Variants in KLHL18 observed in about 807,000 individuals in gnomAD.
KLHL18 encodes kelch like family member 18, also known as kelch-like protein 18.
In KLHL18, 38 loss-of-function variants were observed where a neutral mutation model predicts 58.5. The ratio of observed to expected loss-of-function variants is 0.65; its 90% CI spans 0.50 to 0.85. The LOEUF (loss-of-function observed/expected upper bound fraction) is 0.85. Among genes scored for constraint, KLHL18 ranks in the 40% least tolerant of loss-of-function variants. The pLI, the probability that KLHL18 is intolerant of heterozygous loss-of-function variation, is 0.00. For missense variants in KLHL18, 624 were observed against 778.4 expected (o/e 0.80, Z 2.36); for synonymous variants, 303 against 301.9 (o/e 1.00, Z -0.04).
At chr3:47,326,987 C>G (rs1175594253) in intron 3 of KLHL18, among the ~76,000 whole-genome samples, 1 of 151,778 alleles carries the variant, frequency 6.6e-6, no homozygotes, top group Admixed American at 6.6e-5. Flanking sequence ...GCTTGTTATC[C>G]TGGCACTTTT....
At chr3:47,289,964 CA>C (rs1328950236) in intron 1 of KLHL18, among the ~76,000 whole-genome samples, 4 of 152,250 alleles carry the variant, frequency 2.6e-5, no homozygotes, top group African/African-American at 9.6e-5. Context: ...CACCACTATG[CA>C]ATATATCCAT....
intron 3 of KLHL18, among the ~76,000 whole-genome samples, chr3:47,327,095 C>G (rs752965575): frequency 6.6e-6 from 1 of 151,556 alleles, no homozygotes; most frequent in Non-Finnish European, 1.5e-5. Flanking sequence ...AAAAATGAGC[C>G]GGCCGTGGTG....
intron 1 of KLHL18, among the ~76,000 whole-genome samples, chr3:47,291,206 G>A (rs944022182): frequency 2.0e-5 from 3 of 152,246 alleles, no homozygotes; most frequent in African/African-American, 7.2e-5. Flanking sequence ...TGGAAGATGA[G>A]ACCACATTGT....
rs1703540981 is a variant in KLHL18 at position 47,319,745 on chromosome 3, C to G, written c.222C>G (p.Cys74Trp). Reference protein sequence around the residue: ...HAMFTNDMMECKQDEIVMQGM... With the variant: ...HAMFTNDMMEWKQDEIVMQGM... ...TGTTTACAAATGACATGATGGAGTGCAAGCAGGATGAGATTGTAATGCAAG... is the reference window on the plus strand; with the variant it reads ...TGTTTACAAATGACATGATGGAGTGGAAGCAGGATGAGATTGTAATGCAAG... The change falls in exon 2 of 10, where the codon TGC becomes TGG. Residue 74 changes from cysteine to tryptophan, a missense_variant. By Grantham distance (215) the Cys-to-Trp change is radical. Transcript: ENST00000232766. 1.2e-6 allele frequency: 2 copies of G among 1,613,914 alleles called. No homozygotes were observed. The highest frequency in any genetic ancestry group is 1.7e-6 in the Non-Finnish European group (2 of 1,179,854).
rs1703937816 is a variant in KLHL18 at position 47,334,408 on chromosome 3, C to G, written c.762-275C>G. ...ATGCTGCTTGTCGAAACTCCCAGGT[C>G]CAGCCATTTTGGCCACTACCTTGTT... On this transcript the variant is annotated intron_variant, in intron 5 of 9. Coordinates refer to ENST00000232766, the MANE Select transcript of KLHL18 (RefSeq NM_025010.5). The surrounding 1 kb of genome is among the most constrained non-coding windows in gnomAD (Gnocchi z 4.7). Among the ~76,000 whole-genome samples the G allele has an allele frequency of 1.3e-5, 2 of 152,144 alleles. No individual in the cohort carries two copies. Among genetic ancestry groups the G allele is most frequent in the African/African-American group, 4.8e-5 (2 of 41,444 alleles).
chr3:47,316,289 A>G (rs986683723), intron 1 of KLHL18, among the ~76,000 whole-genome samples: 2 of 151,860 alleles, frequency 1.3e-5, no homozygotes, highest in African/African-American at 2.4e-5. Context: ...ACAGTTACAT[A>G]CTTAGAGTTA....
At chr3:47,321,235 C>T (rs1457230862) in intron 2 of KLHL18, among the ~76,000 whole-genome samples, 3 of 151,910 alleles carry the variant, frequency 2.0e-5, no homozygotes, top group Admixed American at 6.6e-5. Flanking sequence ...GTGGTGTGAT[C>T]TGGGCTCACT....
chr3:47,313,495 A>G (rs1016148277), intron 1 of KLHL18, among the ~76,000 whole-genome samples: 1 of 152,172 alleles, frequency 6.6e-6, no homozygotes, highest in Non-Finnish European at 1.5e-5. Flanking sequence ...AAGTGCTAGG[A>G]TTACAGGCAT....
At chr3:47,324,027 T>C (rs1320568573) in intron 3 of KLHL18, among the ~76,000 whole-genome samples, 1 of 152,200 alleles carries the variant, frequency 6.6e-6, no homozygotes, top group East Asian at 1.9e-4. Context: ...GCTCATCTGC[T>C]GAACACTGGG....
Position 47,343,998 on chromosome 3 carries a change from C to T in KLHL18, c.*57C>T, listed in dbSNP as rs1704172792. 3 of 1,580,222 alleles carry T rather than the reference C, an allele frequency of 1.9e-6. No homozygotes were observed. The South Asian group carries it at 3.4e-5, about 18-fold the overall frequency. ...CTGGTACAGACATAGGCGCTTCCTT[C>T]CAGGAACAGTCCCTCAGGAGAGGCA... is the stretch of plus-strand genomic sequence containing the variant. On this transcript the variant is annotated 3_prime_UTR_variant, in exon 10 of 10. Transcript: ENST00000232766.
chr3:47,301,088 ATTG>A (rs1243722607), intron 1 of KLHL18, among the ~76,000 whole-genome samples: 1 of 151,004 alleles, frequency 6.6e-6, no homozygotes. Context: ...TTGTTTTTTT[ATTG>A]TTGAGTTTTT....
At chr3:47,312,117 C>G (rs962190618) in intron 1 of KLHL18, among the ~76,000 whole-genome samples, 1 of 152,294 alleles carries the variant, frequency 6.6e-6, no homozygotes, top group Middle Eastern at 3.4e-3. Flanking sequence ...TTCGTAGATG[C>G]TATTCATTGC....
rs756868709 is a variant in KLHL18, at chr3:47,322,637, ATTGCTG to A, written c.331_336del (p.Leu111_Leu112del). On this transcript the variant is annotated inframe_deletion, in exon 3 of 10. Coordinates refer to ENST00000232766, the MANE Select transcript of KLHL18 (RefSeq NM_025010.5). ...CCATTGACCAGCAAAATGTCCAGTC[ATTGCTG>A]ATGGGGGCGAGCTTCCTGCAGCTGC... 1 of 1,604,362 alleles carries A rather than the reference ATTGCTG, an allele frequency of 6.2e-7. No homozygotes were observed. The highest frequency in any genetic ancestry group is 8.5e-7 in the Non-Finnish European group (1 of 1,175,888).
At position 47,334,607 on chromosome 3, in the gene KLHL18, A is replaced by G; in HGVS notation, c.762-76A>G. 6.4e-7 allele frequency: 1 copy of G among 1,552,020 alleles called. No individual in the cohort carries two copies. Among genetic ancestry groups the G allele is most frequent in the Non-Finnish European group, 8.8e-7 (1 of 1,132,716 alleles). ...GTTTCCCCTGCAGTTGGCAGTGGAG[A>G]GCCAGGCTCAGAGATGCAAACGAGG... is the stretch of plus-strand genomic sequence containing the variant. On this transcript the variant is annotated intron_variant, in intron 5 of 9. Coordinates refer to ENST00000232766, the MANE Select transcript of KLHL18 (RefSeq NM_025010.5). This position sits in a 1 kb window ranked among gnomAD's most constrained non-coding sequence, Gnocchi z 4.7.
At chr3:47,297,784 A>G in intron 1 of KLHL18, 1 of 373,960 alleles carries the variant, frequency 2.7e-6, no homozygotes, top group Non-Finnish European at 5.3e-6. Context: ...GCACTGTGTT[A>G]AGTACTAGGA....
In KLHL18 at chr3:47,282,952, A is replaced by G. The variant is rs768126531; in HGVS notation, c.-14A>G. 5 of 1,605,726 alleles carry G rather than the reference A, an allele frequency of 3.1e-6. No homozygotes were observed. The highest frequency in any genetic ancestry group is 4.2e-6 in the Non-Finnish European group (5 of 1,176,874). On this transcript the variant is annotated 5_prime_UTR_variant, in exon 1 of 10. Transcript: ENST00000232766. Reference sequence around the variant, plus strand: ...CGGCCGGCGAGGCCTGCGCAGTTGCAGCGGCCGGGGAAGATGGTGGAGGAC... The same window carrying G: ...CGGCCGGCGAGGCCTGCGCAGTTGCGGCGGCCGGGGAAGATGGTGGAGGAC...
chr3:47,317,242 A>G (rs1289503320), intron 1 of KLHL18, among the ~76,000 whole-genome samples: 3 of 152,146 alleles, frequency 2.0e-5, no homozygotes, highest in Non-Finnish European at 4.4e-5. Flanking sequence ...CACCTCGGGT[A>G]GCTGGAATTA....
At chr3:47,320,384 T>G (rs564779418) in intron 2 of KLHL18, among the ~76,000 whole-genome samples, 1 of 152,342 alleles carries the variant, frequency 6.6e-6, no homozygotes, top group Admixed American at 6.5e-5. Flanking sequence ...GCTACTATAT[T>G]AGACAACACA....
chr3:47,333,086 T>G, intron 4 of KLHL18, 71 bp from the exon 5 acceptor site: 67 of 1,512,444 alleles, frequency 4.4e-5, no homozygotes, highest in Non-Finnish European at 5.0e-5. Flanking sequence ...GTGGAGGCAT[T>G]GAGATTGGAG....
Sources: allele counts gnomAD v4.1 joint callset (sites outside exome capture counted in the v4.1 genomes callset), GRCh38; gene constraint gnomAD v4.1.1; non-coding constraint Gnocchi (gnomAD v3.1); transcripts MANE v1.5; gene names NCBI Gene and HGNC (gene_info 2026-07-23, HGNC 2026-07-21).